CCDC102B: variants seen among roughly 807,000 people sequenced by gnomAD.
CCDC102B encodes the protein coiled-coil domain-containing protein 102B.
In CCDC102B, 75 loss-of-function variants were observed where a neutral mutation model predicts 57.4. The observed-to-expected ratio is 1.31, with a 90% CI of 1.08 to 1.58. CCDC102B has a LOEUF of 1.58. Ranked by LOEUF, CCDC102B falls within the 40% of genes most tolerant of loss-of-function variation. The pLI is 0.00. For synonymous variants in CCDC102B, 206 were observed against 201.9 expected (o/e 1.02, Z -0.17); for missense variants, 636 against 582.6 (o/e 1.09, Z -0.94).
intron 2 of CCDC102B, among the ~76,000 whole-genome samples, chr18:68,764,237 G>T (rs1032505796): frequency 6.6e-6 from 1 of 151,954 alleles, no homozygotes; most frequent in Non-Finnish European, 1.5e-5. Context: ...TATTCCAGCT[G>T]CTCCATATAA....
chr18:68,905,685 A>T (rs2040605261), intron 6 of CCDC102B, among the ~76,000 whole-genome samples: 3 of 151,170 alleles, frequency 2.0e-5, no homozygotes, highest in Non-Finnish European at 4.4e-5. Flanking sequence ...TCCCTCCCCT[A>T]AGCTCCTAGC....
chr18:68,863,910 T>C (rs1157847033), intron 4 of CCDC102B, among the ~76,000 whole-genome samples: 1 of 151,946 alleles, frequency 6.6e-6, no homozygotes, highest in East Asian at 1.9e-4. Flanking sequence ...GGTTTCTCAC[T>C]TCATAGAATG....
rs2034204044 is a variant in CCDC102B, at chr18:68,760,107, C to A, written c.-67+43513C>A. ...ATCCCAAGTGCATTTCCTAATAAACCTCCTGCACACTAATCTCTATCTCAA... is the reference window on the plus strand; with the variant it reads ...ATCCCAAGTGCATTTCCTAATAAACATCCTGCACACTAATCTCTATCTCAA... On this transcript the variant is annotated intron_variant, in intron 2 of 3. Coordinates refer to the CCDC102B transcript ENST00000578970. Among the ~76,000 whole-genome samples the A allele has an allele frequency of 1.3e-5, 2 of 152,086 alleles. 1 individual carries two copies. Among genetic ancestry groups the A allele is most frequent in the South Asian group, 4.2e-4 (2 of 4,814 alleles).
At chr18:69,017,406 G>A (rs1471393362) in intron 7 of CCDC102B, among the ~76,000 whole-genome samples, 2 of 152,078 alleles carry the variant, frequency 1.3e-5, no homozygotes, top group African/African-American at 2.4e-5. Context: ...GATTACAGGC[G>A]TGAACCATCT....
chr18:69,043,792 C>A (rs1026220013), intron 7 of CCDC102B, among the ~76,000 whole-genome samples: 2 of 152,050 alleles, frequency 1.3e-5, no homozygotes, highest in Admixed American at 6.6e-5. Context: ...GACACAGTAA[C>A]AATCTGATCT....
intron 6 of CCDC102B, among the ~76,000 whole-genome samples, chr18:68,943,375 C>T (rs1367344364): frequency 6.6e-6 from 1 of 152,028 alleles, no homozygotes; most frequent in Non-Finnish European, 1.5e-5. Flanking sequence ...CAATGGTTTC[C>T]TTGTCACATT....
chr18:68,901,870 C>T (rs1264302929), intron 6 of CCDC102B, among the ~76,000 whole-genome samples: 5 of 152,094 alleles, frequency 3.3e-5, no homozygotes. Flanking sequence ...CATGAAATAG[C>T]CTCTCAGATA....
Position 68,738,993 on chromosome 18 carries a change from C to CTTTTTTTTTTTTT in CCDC102B, c.-67+22403_-67+22404insTTTTTTTTTTTTT, listed in dbSNP as rs201214278. ...GGCCATTGGACTGTAGATGAGCAGC[C>CTTTTTTTTTTTTT]TTTTGTTTTTTTTTTTTTTAGACCA... On this transcript the variant is annotated intron_variant, in intron 2 of 3. Coordinates refer to the CCDC102B transcript ENST00000578970. Among the ~76,000 whole-genome samples the CTTTTTTTTTTTTT allele has an allele frequency of 2.3e-4, 34 of 144,964 alleles. 1 individual carries two copies. Among genetic ancestry groups the CTTTTTTTTTTTTT allele is most frequent in the South Asian group, 6.7e-4 (3 of 4,450 alleles).
At chr18:69,017,275 C>A (rs529197047) in intron 7 of CCDC102B, among the ~76,000 whole-genome samples, 15 of 152,012 alleles carry the variant, frequency 9.9e-5, no homozygotes, top group African/African-American at 3.6e-4. Flanking sequence ...GCCACCATGC[C>A]TGGCTATTTT....
At chr18:68,941,085 TTA>T (rs1201087768) in intron 6 of CCDC102B, among the ~76,000 whole-genome samples, 5 of 151,752 alleles carry the variant, frequency 3.3e-5, no homozygotes, top group African/African-American at 9.6e-5. Flanking sequence ...TGCTATTTAT[TTA>T]TTTTTTTTGC....
intron 1 of CCDC102B, among the ~76,000 whole-genome samples, chr18:68,829,064 T>C (rs1308267762): frequency 1.3e-5 from 2 of 151,952 alleles, no homozygotes; most frequent in Non-Finnish European, 2.9e-5. Context: ...TCCTACATGT[T>C]CGCTACAACA....
At chr18:68,807,988 A>G (rs2036093255) in intron 1 of CCDC102B, among the ~76,000 whole-genome samples, 1 of 152,162 alleles carries the variant, frequency 6.6e-6, no homozygotes, top group African/African-American at 2.4e-5. Context: ...TTGAGCAACT[A>G]ATCTTCGAAT....
intron 4 of CCDC102B, among the ~76,000 whole-genome samples, chr18:68,857,363 T>A (rs866237872): frequency 4.8e-5 from 4 of 84,164 alleles, no homozygotes; most frequent in Non-Finnish European, 7.3e-5. Context: ...ATATATATAT[T>A]TATTTCTATA....
chr18:69,043,022 T>C (rs2052470290), intron 7 of CCDC102B, among the ~76,000 whole-genome samples: 1 of 152,074 alleles, frequency 6.6e-6, no homozygotes, highest in South Asian at 2.1e-4. Context: ...TCCCTTAGTA[T>C]TTATTGATCA....
intron 1 of CCDC102B, among the ~76,000 whole-genome samples, chr18:68,811,281 G>A (rs142077184): frequency 6.6e-6 from 1 of 152,228 alleles, no homozygotes; most frequent in Non-Finnish European, 1.5e-5. Flanking sequence ...ACAATATACA[G>A]CCTTCATGGA....
chr18:68,967,133 A>G (rs116399061), intron 6 of CCDC102B, among the ~76,000 whole-genome samples: 1,848 of 151,096 alleles, frequency 0.012, 43 homozygotes, highest in African/African-American at 0.043. Context: ...TCTGAACAAT[A>G]GTGAAAGCTA....
At chr18:69,010,014 C>A (rs2051465820) in intron 6 of CCDC102B, among the ~76,000 whole-genome samples, 1 of 134,442 alleles carries the variant, frequency 7.4e-6, no homozygotes, top group Non-Finnish European at 1.5e-5. Context: ...TCACTGCAAG[C>A]TCCAGCTCCC....
chr18:68,929,047 G>T (rs1203118141), intron 6 of CCDC102B, among the ~76,000 whole-genome samples: 1 of 151,850 alleles, frequency 6.6e-6, no homozygotes, highest in Non-Finnish European at 1.5e-5. Context: ...AGCTATTGAG[G>T]ATTTTCATCA....
chr18:69,006,443 A>T (rs2051347555), intron 6 of CCDC102B, among the ~76,000 whole-genome samples: 1 of 149,896 alleles, frequency 6.7e-6, no homozygotes, highest in Admixed American at 6.7e-5. Context: ...ATTTATTTTG[A>T]GACTGAGTCT....
Sources: allele counts gnomAD v4.1 joint callset (sites outside exome capture counted in the v4.1 genomes callset), GRCh38; gene constraint gnomAD v4.1.1; transcripts MANE v1.5; gene names NCBI Gene and HGNC (gene_info 2026-07-23, HGNC 2026-07-21).